The following CUBN variants were observed in gnomAD, a reference collection of about 807,000 sequenced individuals.
CUBN encodes 460 kDa receptor.
In CUBN, 282 loss-of-function variants were observed where a neutral mutation model predicts 405.3. That is an observed-to-expected ratio of 0.70 (90% CI 0.63 to 0.77). The LOEUF is 0.77. Among genes scored for constraint, CUBN ranks in the 30% least tolerant of loss-of-function variants. The pLI, the probability that CUBN is intolerant of heterozygous loss-of-function variation, is 0.00. For missense variants in CUBN, 4,514 were observed against 4,475.2 expected (o/e 1.01, Z -0.25); for synonymous variants, 1,684 against 1,617.0 (o/e 1.04, Z -0.99).
chr10:16,859,033 C>T (rs1271875133), intron 59 of CUBN, among the ~76,000 whole-genome samples: 1 of 152,106 alleles, frequency 6.6e-6, no homozygotes, highest in Non-Finnish European at 1.5e-5. Context: ...AAAGAAAACA[C>T]CAGAATAATC....
chr10:16,982,487 A>C lies in CUBN; in HGVS notation c.4692T>G (p.Ile1564Met). 1.2e-6 allele frequency: 2 copies of C among 1,612,994 alleles called. No homozygotes were observed. The highest frequency in any genetic ancestry group is 2.2e-5 in the South Asian group (2 of 91,068). Residue 1564 changes from isoleucine to methionine, a missense_variant, in exon 31 of 67, where the codon ATT becomes ATG. Around this residue, in one of 5 missense-constraint regions of CUBN, gnomAD observed 1,613 missense variants for 1,542.8 expected, o/e 1.05. Coordinates refer to ENST00000377833, the MANE Select transcript of CUBN (RefSeq NM_001081.4). Reference sequence around the variant, plus strand: ...GCTTGAAATTTATGTCACTTACCATAATACAAGAGTCTTGTGGTTCAAGAT... The same window carrying C: ...GCTTGAAATTTATGTCACTTACCATCATACAAGAGTCTTGTGGTTCAAGAT... ...DFDLEPQDSCIMAYDGLSSTM... is the reference protein window; with the variant it reads ...DFDLEPQDSCMMAYDGLSSTM...
At chr10:16,928,868 G>A (rs1842287081) in intron 40 of CUBN, among the ~76,000 whole-genome samples, 1 of 151,960 alleles carries the variant, frequency 6.6e-6, no homozygotes, top group African/African-American at 2.4e-5. Flanking sequence ...CTGGCTGCCA[G>A]TTCTCCCTGT....
Position 16,876,960 on chromosome 10 carries a change from G to T in CUBN, c.9043C>A (p.Leu3015Ile). 1 of 1,614,158 alleles carries T rather than the reference G, an allele frequency of 6.2e-7. No homozygotes were observed. The highest frequency in any genetic ancestry group is 8.5e-7 in the Non-Finnish European group (1 of 1,180,022). The change falls in exon 57 of 67, where the codon CTT becomes ATT. Residue 3015 changes from leucine (L) to isoleucine (I), a missense_variant. Transcript: ENST00000377833. ...ATTTGCTCGTTGGAGTAGAAGTTAAGCAGAACCGGCCCAGCGATGGTGAGG... is the reference window on the plus strand; with the variant it reads ...ATTTGCTCGTTGGAGTAGAAGTTAATCAGAACCGGCCCAGCGATGGTGAGG... ...APLTIAGPVL[L>I]NFYSNEQITD...
chr10:17,025,349 A>G (rs1258829261), intron 27 of CUBN, among the ~76,000 whole-genome samples: 1 of 152,182 alleles, frequency 6.6e-6, no homozygotes, highest in African/African-American at 2.4e-5. Flanking sequence ...GTACTTGACT[A>G]ATGTCAATGT....
chr10:17,076,475 C>T lies in CUBN; in HGVS notation c.2302-4504G>A, dbSNP rs572801560. Among the ~76,000 whole-genome samples, 9 of 75,568 alleles carry T rather than the reference C, an allele frequency of 1.2e-4. No homozygotes were observed. In the East Asian group the frequency reaches 2.7e-3, roughly 22 times the overall value. 49.6% of individuals were successfully genotyped at this position (75,568 alleles called of 152,430 possible). ...TAATCTAGGACTTGATAAATTTGCA[C>T]CCCCACCAAAAAAAAAAAAAAAAAA... On this transcript the variant is annotated intron_variant, in intron 17 of 66. Transcript: ENST00000377833.
chr10:17,103,733 C>A (rs1836554074), intron 12 of CUBN, among the ~76,000 whole-genome samples: 1 of 152,144 alleles, frequency 6.6e-6, no homozygotes, highest in Non-Finnish European at 1.5e-5. Flanking sequence ...AAGTGAGGGG[C>A]AGAAGAGTCA....
chr10:16,855,782 G>A (rs1029234156), intron 59 of CUBN, among the ~76,000 whole-genome samples: 1 of 152,100 alleles, frequency 6.6e-6, no homozygotes, highest in African/African-American at 2.4e-5. Flanking sequence ...TAAAGAACAT[G>A]GAGAAAAATA....
At chr10:17,083,015 T>C (rs1202961388) in intron 17 of CUBN, among the ~76,000 whole-genome samples, 2 of 152,020 alleles carry the variant, frequency 1.3e-5, no homozygotes, top group Non-Finnish European at 2.9e-5. Flanking sequence ...CAGGAAGCAC[T>C]CTCTAATTGA....
intron 31 of CUBN, among the ~76,000 whole-genome samples, chr10:16,970,576 C>CAAAGA (rs1843522467): frequency 8.2e-6 from 1 of 121,638 alleles, no homozygotes; most frequent in African/African-American, 3.1e-5. Flanking sequence ...AACTCCATCT[C>CAAAGA]AAAAAAAAAA....
At chr10:17,060,279 G>A (rs568947344) in intron 22 of CUBN, among the ~76,000 whole-genome samples, 10 of 152,064 alleles carry the variant, frequency 6.6e-5, no homozygotes, top group South Asian at 2.1e-4. Flanking sequence ...GAGCCACCAC[G>A]CCTGGCTAAT....
At chr10:17,064,339 G>A (rs769345149) in intron 22 of CUBN, among the ~76,000 whole-genome samples, 1 of 152,172 alleles carries the variant, frequency 6.6e-6, no homozygotes, top group Non-Finnish European at 1.5e-5. Context: ...TGGGAAATTG[G>A]GTAAGATTTT....
At chr10:17,122,046 G>C (rs550676128) in intron 6 of CUBN, 3 of 152,264 alleles carry the variant, frequency 2.0e-5, no homozygotes, top group Non-Finnish European at 4.4e-5. Flanking sequence ...TTTGGACTTC[G>C]TTTTTAGAAA....
intron 61 of CUBN, 78 bp downstream of exon 61, chr10:16,840,807 A>ATT: frequency 7.7e-7 from 1 of 1,302,760 alleles, no homozygotes; most frequent in Non-Finnish European, 1.1e-6. Context: ...AAATTTCGAT[A>ATT]TAATAAGCAG....
At chr10:17,008,464 G>A (rs1157799408) in intron 28 of CUBN, among the ~76,000 whole-genome samples, 1 of 106,112 alleles carries the variant, frequency 9.4e-6, no homozygotes, top group African/African-American at 4.3e-5. Context: ...GTGTGTGTGT[G>A]CGCGCTTAGC....
chr10:17,097,380 C>A lies in CUBN; in HGVS notation c.1765+2625G>T, dbSNP rs137927135. On this transcript the variant is annotated intron_variant, in intron 14 of 66. Coordinates refer to ENST00000377833, the MANE Select transcript of CUBN (RefSeq NM_001081.4). ...GAAGAAATGTAAACTCTGAATAGAT[C>A]TATATTAAATACATTGAATCATAAT... is the stretch of plus-strand genomic sequence containing the variant. Among the ~76,000 whole-genome samples, 79 of 152,090 alleles carry A rather than the reference C, an allele frequency of 5.2e-4. 1 individual carries two copies. In the East Asian group the frequency reaches 0.015, roughly 29 times the overall value.
chr10:17,079,092 T>G (rs573673122), intron 17 of CUBN, among the ~76,000 whole-genome samples: 1 of 152,174 alleles, frequency 6.6e-6, no homozygotes, highest in Non-Finnish European at 1.5e-5. Context: ...AGGAATGGCC[T>G]ATCTTCTTCC....
At chr10:17,126,394 G>A (rs1487864370) in intron 4 of CUBN, among the ~76,000 whole-genome samples, 7 of 152,190 alleles carry the variant, frequency 4.6e-5, no homozygotes, top group African/African-American at 1.7e-4. Flanking sequence ...TAGCGTCAGA[G>A]AGGATGCTTG....
intron 48 of CUBN, among the ~76,000 whole-genome samples, chr10:16,913,317 T>A (rs1040609683): frequency 6.6e-6 from 1 of 152,222 alleles, no homozygotes; most frequent in Non-Finnish European, 1.5e-5. Flanking sequence ...TTTCTTTCAC[T>A]GCAGGAAGCT....
At chr10:17,005,820 G>T (rs949289389) in intron 28 of CUBN, among the ~76,000 whole-genome samples, 4 of 152,292 alleles carry the variant, frequency 2.6e-5, no homozygotes, top group Admixed American at 1.3e-4. Context: ...ATATGTTGAA[G>T]TTCTAACTCC....
Sources: gnomAD v4.1 joint callset for allele counts (sites outside exome capture counted in the v4.1 genomes callset) on GRCh38, gnomAD v4.1.1 for gene constraint, gnomAD v4.1.1 regional missense constraint, MANE v1.5 for transcripts, NCBI Gene and HGNC (gene_info 2026-07-23, HGNC 2026-07-21) for gene names.